The following LARP4B variants were observed in gnomAD, a reference collection of about 807,000 sequenced individuals.
LARP4B encodes la-related protein 4B.
Under a neutral mutation model 89.8 loss-of-function variants are expected in LARP4B, and 12 were observed. The ratio of observed to expected loss-of-function variants is 0.13; its 90% CI spans 0.09 to 0.22. The LOEUF (loss-of-function observed/expected upper bound fraction) is 0.22, where lower values mean the gene tolerates loss of function less well. Among genes scored for constraint, LARP4B ranks in the 10% least tolerant of loss-of-function variants. The probability of loss-of-function intolerance (pLI) is 1.00; values close to 1 mark genes in which losing one functional copy is unlikely to be tolerated. For synonymous variants in LARP4B, 367 were observed against 363.3 expected (o/e 1.01, Z -0.12); for missense variants, 757 against 947.7 (o/e 0.80, Z 2.64).
chr10:946,508 G>GTTT, the LARP4B span, among the ~76,000 whole-genome samples: 1 of 152,234 alleles, frequency 6.6e-6, no homozygotes, highest in Admixed American at 6.5e-5. Context: ...TAGAGTGGCA[G>GTTT]TTTCTGTTTC....
chr10:895,432 C>T (rs1240373283), intron 1 of LARP4B, among the ~76,000 whole-genome samples: 2 of 151,426 alleles, frequency 1.3e-5, no homozygotes, highest in Non-Finnish European at 2.9e-5. Flanking sequence ...AGAAAGTAGG[C>T]TCATGCCTGT....
At chr10:848,236 C>T (rs1241528465) in intron 5 of LARP4B, among the ~76,000 whole-genome samples, 1 of 152,138 alleles carries the variant, frequency 6.6e-6, no homozygotes, top group East Asian at 1.9e-4. Flanking sequence ...CACACAGCAC[C>T]GTCCCACTCA....
the LARP4B span, among the ~76,000 whole-genome samples, chr10:941,133 G>C: frequency 2.6e-5 from 4 of 152,174 alleles, no homozygotes; most frequent in Non-Finnish European, 5.9e-5. Flanking sequence ...GAGGAGGACG[G>C]ACATTTGCCA....
chr10:905,226 A>G (rs117858741), intron 1 of LARP4B, among the ~76,000 whole-genome samples: 3,257 of 152,314 alleles, frequency 0.021, 65 homozygotes, highest in Admixed American at 0.061. Flanking sequence ...GGCACTCCCT[A>G]AAGTCTTATT....
intron 3 of LARP4B, chr10:873,070 C>T (rs1835305242): frequency 1.0e-5 from 10 of 985,324 alleles, no homozygotes; most frequent in Non-Finnish European, 8.4e-6. Context: ...CCTTTTCCTC[C>T]ACAGATTTTT....
the LARP4B span, among the ~76,000 whole-genome samples, chr10:943,802 C>T: frequency 2.6e-5 from 4 of 151,718 alleles, no homozygotes; most frequent in East Asian, 1.9e-4. Context: ...GGGAGTGCAG[C>T]GGCATTTCCG....
chr10:884,530 A>C, intron 2 of LARP4B, 24 bp from the exon 3 acceptor site: 1 of 1,474,178 alleles, frequency 6.8e-7, no homozygotes. Flanking sequence ...AACAAAGACA[A>C]CATCAGTACA....
intron 5 of LARP4B, among the ~76,000 whole-genome samples, chr10:849,574 G>C (rs186975326): frequency 6.6e-6 from 1 of 152,152 alleles, no homozygotes; most frequent in Admixed American, 6.5e-5. Context: ...ACGAAGATTC[G>C]TGTCCTCATG....
At chr10:960,714 A>G in the LARP4B span, among the ~76,000 whole-genome samples, 1 of 7,260 alleles carries the variant, frequency 1.4e-4, no homozygotes, top group Non-Finnish European at 4.8e-4. Context: ...TCTCAAAAAA[A>G]AAAAAAAAAA....
the LARP4B span, among the ~76,000 whole-genome samples, chr10:944,459 T>C: frequency 6.6e-6 from 1 of 152,178 alleles, no homozygotes; most frequent in Non-Finnish European, 1.5e-5. Flanking sequence ...AGCTCGCCCC[T>C]GCCCTGTCAC....
At chr10:853,067 C>T (rs559205619) in intron 5 of LARP4B, among the ~76,000 whole-genome samples, 1 of 152,242 alleles carries the variant, frequency 6.6e-6, no homozygotes, top group South Asian at 2.1e-4. Context: ...AAAATCTCAG[C>T]ACTTTGTAGA....
the LARP4B span, chr10:972,031 AT>A: frequency 6.5e-4 from 96 of 148,154 alleles, no homozygotes; most frequent in East Asian, 1.3e-3. Context: ...CTCTCTCTTT[AT>A]TTTTTTTTTG....
At chr10:982,908 T>G in the LARP4B span, among the ~76,000 whole-genome samples, 1 of 152,250 alleles carries the variant, frequency 6.6e-6, no homozygotes, top group Non-Finnish European at 1.5e-5. Flanking sequence ...CATGTTTTCT[T>G]AAGAGTTTGG....
At chr10:900,906 C>CGCACCCAGCAGAAGGATATATTTCTTA (rs1554806702) in intron 1 of LARP4B, among the ~76,000 whole-genome samples, 1 of 145,948 alleles carries the variant, frequency 6.9e-6, no homozygotes, top group African/African-American at 2.5e-5. Flanking sequence ...TGTGAGCCAC[C>CGCACCCAGCAGAAGGATATATTTCTTA]AGCGCCTGGC....
chr10:872,995 A>T (rs1835301706), intron 3 of LARP4B: 1 of 983,848 alleles, frequency 1.0e-6, no homozygotes, highest in Non-Finnish European at 1.2e-6. Context: ...CAGTACGGTG[A>T]ACCTCCTCAC....
the LARP4B span, chr10:942,456 TTTACGAATGTCCTA>T: frequency 6.6e-6 from 1 of 152,202 alleles, no homozygotes; most frequent in African/African-American, 2.4e-5. Context: ...AGGATCTTCT[TTTACGAATGTCCTA>T]TTTGCACAGA....
intron 1 of LARP4B, among the ~76,000 whole-genome samples, chr10:926,352 T>A (rs111901314): frequency 5.3e-5 from 8 of 152,350 alleles, no homozygotes; most frequent in African/African-American, 1.7e-4. Context: ...GTAAATATTT[T>A]AAAAATTTTT....
the LARP4B span, among the ~76,000 whole-genome samples, chr10:968,958 C>T: frequency 2.6e-5 from 4 of 152,244 alleles, no homozygotes; most frequent in African/African-American, 7.2e-5. Context: ...CCCGGAACAA[C>T]AGCTATTCTC....
chr10:890,205 C>T (rs909872808), intron 1 of LARP4B, among the ~76,000 whole-genome samples: 2 of 152,092 alleles, frequency 1.3e-5, no homozygotes, highest in East Asian at 1.9e-4. Flanking sequence ...GCTCCCTATT[C>T]GCAATAATCT....
Sources: gnomAD v4.1 joint callset for allele counts (sites outside exome capture counted in the v4.1 genomes callset) on GRCh38, gnomAD v4.1.1 for gene constraint, MANE v1.5 for transcripts, NCBI Gene and HGNC (gene_info 2026-07-23, HGNC 2026-07-21) for gene names.